DIS3L2: variants seen among roughly 807,000 people sequenced by gnomAD.
DIS3L2 encodes DIS3-like exonuclease 2.
In DIS3L2, 34 loss-of-function variants were observed where a neutral mutation model predicts 97.5. That is an observed-to-expected ratio of 0.35 (90% CI 0.27 to 0.46). DIS3L2 has a LOEUF of 0.46. Ranked by LOEUF, DIS3L2 falls within the 20% of genes least tolerant of loss-of-function variation. The probability of loss-of-function intolerance (pLI) is 1.00; values close to 1 mark genes in which losing one functional copy is unlikely to be tolerated. For synonymous variants in DIS3L2, 435 were observed against 445.2 expected (o/e 0.98, Z 0.29); for missense variants, 1,038 against 1,146.0 (o/e 0.91, Z 1.36).
chr2:232,034,445 G>C (rs1216468864), intron 5 of DIS3L2, among the ~76,000 whole-genome samples: 1 of 152,024 alleles, frequency 6.6e-6, no homozygotes, highest in African/African-American at 2.4e-5. Context: ...TTTTTTGAAT[G>C]GTTTTTCATG....
At chr2:232,122,214 A>G (rs562709696) in intron 6 of DIS3L2, among the ~76,000 whole-genome samples, 1 of 152,324 alleles carries the variant, frequency 6.6e-6, no homozygotes, top group South Asian at 2.1e-4. Flanking sequence ...AGCAATTTAT[A>G]TATATAACAA....
intron 13 of DIS3L2, among the ~76,000 whole-genome samples, chr2:232,277,629 A>G (rs1012464622): frequency 4.6e-5 from 7 of 152,196 alleles, no homozygotes; most frequent in Admixed American, 2.6e-4. Flanking sequence ...ACATTTTTCT[A>G]TATATCCTAA....
chr2:232,245,828 A>G (rs1164046325), intron 11 of DIS3L2, among the ~76,000 whole-genome samples: 1 of 152,262 alleles, frequency 6.6e-6, no homozygotes, highest in African/African-American at 2.4e-5. Flanking sequence ...TTAGGTTAGT[A>G]GCCAAAACAG....
At chr2:232,205,316 CG>C (rs1692001601) in intron 9 of DIS3L2, among the ~76,000 whole-genome samples, 1 of 150,930 alleles carries the variant, frequency 6.6e-6, no homozygotes, top group Non-Finnish European at 1.5e-5. Context: ...AGTGCAGTGT[CG>C]TGATCTCAGC....
intron 20 of DIS3L2, 64 bp downstream of exon 20, chr2:232,335,938 G>A: frequency 6.5e-7 from 1 of 1,547,160 alleles, no homozygotes; most frequent in Non-Finnish European, 8.7e-7. Flanking sequence ...CTCCTGCGGT[G>A]CCCCTCATTC....
rs1694286441 is a variant in DIS3L2, at chr2:232,281,642, A to G, written c.1659+18202A>G. 6.6e-6 allele frequency among the ~76,000 whole-genome samples: 1 copy of G among 152,086 alleles called. No individual in the cohort carries two copies. The highest frequency in any genetic ancestry group is 2.1e-4 in the South Asian group (1 of 4,816). On this transcript the variant is annotated intron_variant, in intron 13 of 20. Transcript: ENST00000325385. This position sits in a 1 kb window ranked among gnomAD's most constrained non-coding sequence, Gnocchi z 4.1. ...AACAGATGAGAGAAGTGGAATCAGAACCACAAAAGGGAGGGGGGACACCTG... is the reference window on the plus strand; with the variant it reads ...AACAGATGAGAGAAGTGGAATCAGAGCCACAAAAGGGAGGGGGGACACCTG...
intron 1 of DIS3L2, among the ~76,000 whole-genome samples, chr2:232,011,939 C>T (rs1483342624): frequency 6.6e-6 from 1 of 152,258 alleles, no homozygotes; most frequent in Admixed American, 6.5e-5. Context: ...GCGTGAGCCA[C>T]GATGCCCAGC....
intron 1 of DIS3L2, among the ~76,000 whole-genome samples, chr2:232,002,035 T>G (rs748464487): frequency 1.3e-5 from 2 of 152,168 alleles, no homozygotes; most frequent in African/African-American, 4.8e-5. Context: ...TAATCCATTT[T>G]GACTTGGTTT....
At position 232,084,867 on chromosome 2, in the gene DIS3L2, C is replaced by T. The variant is rs1212852604; in HGVS notation, c.367-2620C>T. On this transcript the variant is annotated intron_variant, in intron 5 of 20. Coordinates refer to ENST00000325385, the MANE Select transcript of DIS3L2 (RefSeq NM_152383.5). ...TTTTTATGGAGTCAATTTTTACAAA[C>T]TGAGGATATATTCTTACCTTTATTC... Among the ~76,000 whole-genome samples, 3 of 146,602 alleles carry T rather than the reference C, an allele frequency of 2.0e-5. No homozygotes were observed. The Admixed American group carries it at 2.1e-4, about 10-fold the overall frequency.
intron 3 of DIS3L2, among the ~76,000 whole-genome samples, chr2:232,023,602 C>A (rs1574819257): frequency 6.6e-6 from 1 of 152,164 alleles, no homozygotes; most frequent in African/African-American, 2.4e-5. Flanking sequence ...AAGAGGCCCC[C>A]ACCTGCACCC....
chr2:232,327,704 G>A (rs1695616768), intron 14 of DIS3L2, among the ~76,000 whole-genome samples: 1 of 152,212 alleles, frequency 6.6e-6, no homozygotes. Flanking sequence ...TTTTCAGGGA[G>A]GCTTCAAAAG....
chr2:232,188,727 G>A (rs1415127459), intron 9 of DIS3L2, among the ~76,000 whole-genome samples: 1 of 152,154 alleles, frequency 6.6e-6, no homozygotes, highest in Non-Finnish European at 1.5e-5. Flanking sequence ...TGGTAAATTG[G>A]ATCTCATCAG....
intron 9 of DIS3L2, among the ~76,000 whole-genome samples, chr2:232,181,904 A>G (rs3116187): frequency 0.55 from 83,405 of 152,012 alleles, 24,515 homozygotes; most frequent in East Asian, 0.69. Flanking sequence ...TGCCCACCTC[A>G]GCCTCCCAAA....
At chr2:232,236,575 T>C (rs984501973) in intron 10 of DIS3L2, among the ~76,000 whole-genome samples, 1 of 152,174 alleles carries the variant, frequency 6.6e-6, no homozygotes, top group Non-Finnish European at 1.5e-5. Flanking sequence ...GCTCCAGGTT[T>C]ATGTGGTCCT....
At chr2:232,100,194 T>A (rs973744248) in intron 6 of DIS3L2, among the ~76,000 whole-genome samples, 1 of 4,470 alleles carries the variant, frequency 2.2e-4, no homozygotes, top group Non-Finnish European at 4.3e-4. Context: ...CTGCTAATAT[T>A]TTTTTTTTTT....
At chr2:232,248,213 C>T (rs1693318034) in intron 11 of DIS3L2, among the ~76,000 whole-genome samples, 1 of 142,504 alleles carries the variant, frequency 7.0e-6, no homozygotes. Context: ...TGCTGAATGT[C>T]CCTCAATTAC....
At chr2:232,158,525 A>G (rs1312086515) in intron 8 of DIS3L2, among the ~76,000 whole-genome samples, 3 of 152,210 alleles carry the variant, frequency 2.0e-5, no homozygotes, top group African/African-American at 7.2e-5. Flanking sequence ...CTAAGTCCCT[A>G]ACTTTCAGTC....
chr2:232,270,878 C>CTCTG (rs750090938), intron 13 of DIS3L2, among the ~76,000 whole-genome samples: 1 of 133,948 alleles, frequency 7.5e-6, no homozygotes, highest in Non-Finnish European at 1.6e-5. Flanking sequence ...CTCTCTCTCT[C>CTCTG]TCTCTCTCTC....
intron 1 of DIS3L2, among the ~76,000 whole-genome samples, chr2:231,985,052 G>A (rs1384546693): frequency 6.6e-6 from 1 of 152,176 alleles, no homozygotes; most frequent in Non-Finnish European, 1.5e-5. Context: ...TCAGGTAACT[G>A]CACATACCTT....
Sources: gnomAD v4.1 joint callset for allele counts (sites outside exome capture counted in the v4.1 genomes callset) on GRCh38, gnomAD v4.1.1 for gene constraint, Gnocchi (gnomAD v3.1) non-coding constraint, MANE v1.5 for transcripts, NCBI Gene and HGNC (gene_info 2026-07-23, HGNC 2026-07-21) for gene names.